ZDHHC21: variants seen among roughly 807,000 people sequenced by gnomAD.
ZDHHC21 encodes the protein palmitoyltransferase ZDHHC21.
In ZDHHC21, 15 loss-of-function variants were observed where a neutral mutation model predicts 34.6. That is an observed-to-expected ratio of 0.43 (90% confidence interval 0.29 to 0.67). The LOEUF is 0.67. Among genes scored for constraint, ZDHHC21 ranks in the 30% least tolerant of loss-of-function variants. The pLI is 0.14. For missense variants in ZDHHC21, 344 were observed against 327.7 expected (o/e 1.05, Z -0.38); for synonymous variants, 142 against 101.8 (o/e 1.40, Z -2.38).
At chr9:14,665,847 A>G (rs1293702583) in intron 5 of ZDHHC21, among the ~76,000 whole-genome samples, 3 of 149,858 alleles carry the variant, frequency 2.0e-5, no homozygotes, top group African/African-American at 7.3e-5. Flanking sequence ...TCCTGAAGGA[A>G]GCGCTAAACA....
At chr9:14,649,384 G>C (rs1330511850) in intron 7 of ZDHHC21, among the ~76,000 whole-genome samples, 5 of 151,918 alleles carry the variant, frequency 3.3e-5, no homozygotes, top group Admixed American at 3.3e-4. Flanking sequence ...AGGTTCATAA[G>C]GCAAATACTC....
intron 8 of ZDHHC21, among the ~76,000 whole-genome samples, chr9:14,629,274 C>T (rs1035713393): frequency 1.3e-5 from 2 of 152,022 alleles, no homozygotes; most frequent in Non-Finnish European, 2.9e-5. Flanking sequence ...GGTTTCCACT[C>T]GGTTTTAGAA....
intron 2 of ZDHHC21, among the ~76,000 whole-genome samples, chr9:14,682,136 C>G (rs544204175): frequency 3.3e-5 from 5 of 152,176 alleles, no homozygotes; most frequent in African/African-American, 1.2e-4. Flanking sequence ...CATCAACTAA[C>G]AAGCAAAATA....
chr9:14,682,000 G>T (rs7341892), intron 2 of ZDHHC21, among the ~76,000 whole-genome samples: 9 of 151,904 alleles, frequency 5.9e-5, no homozygotes, highest in South Asian at 2.1e-4. Context: ...TGAGAGATTT[G>T]GTCACCACCA....
Position 14,636,969 on chromosome 9 carries a change from A to G in ZDHHC21, c.621+2927T>C, listed in dbSNP as rs563456363. Among the ~76,000 whole-genome samples the G allele has an allele frequency of 2.0e-5, 3 of 152,212 alleles. No individual in the cohort carries two copies. In the East Asian group the frequency reaches 5.8e-4, roughly 29 times the overall value. On this transcript the variant is annotated intron_variant, in intron 8 of 9. Transcript: ENST00000380916. ...AAAACAGTAGAAAGATTTCAAGCAA[A>G]TAGTCTAATGATGCACCTCAAGGAA...
rs1295385974 is a variant in ZDHHC21, at chr9:14,616,687, T to C, written c.*2279A>G. ...AGAGTTAGGTACGCTAACTGGGGAA[T>C]ACTGAAAGTTACAGTGTTAAGTATA... On this transcript the variant is annotated 3_prime_UTR_variant, in exon 10 of 10. Transcript: ENST00000380916. 1 of 151,886 alleles carries C rather than the reference T, an allele frequency of 6.6e-6. No individual in the cohort carries two copies. The highest frequency in any genetic ancestry group is 1.5e-5 in the Non-Finnish European group (1 of 67,840). 9.4% of individuals were successfully genotyped at this position (151,886 alleles called of 1,614,324 possible).
rs1207058561 is a variant in ZDHHC21, at chr9:14,670,586, CT to C, written c.253+2243del. On this transcript the variant is annotated intron_variant, in intron 5 of 9. Coordinates refer to ENST00000380916, the MANE Select transcript of ZDHHC21 (RefSeq NM_178566.6). ...AAAGCTGAAAATATTTACTACGGGC[CT>C]TTATAGTAAAGAAGAATTTATTTGC... 2.6e-5 allele frequency among the ~76,000 whole-genome samples: 4 copies of C among 151,992 alleles called. 1 individual carries two copies. Among genetic ancestry groups the C allele is most frequent in the African/African-American group, 9.6e-5 (4 of 41,452 alleles).
chr9:14,664,359 T>C (rs9777413), intron 5 of ZDHHC21, among the ~76,000 whole-genome samples: 27,612 of 150,108 alleles, frequency 0.18, 2,635 homozygotes, highest in South Asian at 0.35. Flanking sequence ...GAGGGTCCTA[T>C]GCCCACGGAG....
At chr9:14,619,316 T>G (rs1245148730) in intron 9 of ZDHHC21, among the ~76,000 whole-genome samples, 2 of 152,116 alleles carry the variant, frequency 1.3e-5, no homozygotes, top group Non-Finnish European at 2.9e-5. Flanking sequence ...GCGCAACTTT[T>G]GAAGCAGAGG....
chr9:14,593,126 G>C, the ZDHHC21 span, among the ~76,000 whole-genome samples: 1 of 151,902 alleles, frequency 6.6e-6, no homozygotes, highest in South Asian at 2.1e-4. Flanking sequence ...TAGAAAAAAA[G>C]AAATAGGGAG....
At chr9:14,684,312 C>G (rs1004148962) in intron 2 of ZDHHC21, among the ~76,000 whole-genome samples, 16 of 151,904 alleles carry the variant, frequency 1.1e-4, no homozygotes, top group African/African-American at 3.9e-4. Context: ...CCCATTGTCT[C>G]AGCCCAAAAT....
chr9:14,629,665 G>A (rs1235239245), intron 8 of ZDHHC21, among the ~76,000 whole-genome samples: 1 of 152,108 alleles, frequency 6.6e-6, no homozygotes, highest in Non-Finnish European at 1.5e-5. Context: ...CCTTCAGGGA[G>A]ATGTAATATT....
At chr9:14,672,321 AT>A (rs59724695) in intron 5 of ZDHHC21, among the ~76,000 whole-genome samples, 40 of 151,424 alleles carry the variant, frequency 2.6e-4, no homozygotes, top group African/African-American at 8.2e-4. Flanking sequence ...AAAATTTTGT[AT>A]TTTTTTTTAC....
chr9:14,669,810 C>T (rs1237090117), intron 5 of ZDHHC21, among the ~76,000 whole-genome samples: 2 of 137,852 alleles, frequency 1.5e-5, no homozygotes, highest in African/African-American at 5.5e-5. Flanking sequence ...ACAATGAGAT[C>T]ACATGGACAC....
Position 14,619,654 on chromosome 9 carries a change from T to C in ZDHHC21, c.650A>G (p.Asn217Ser), listed in dbSNP as rs1182834343. The C allele has an allele frequency of 1.4e-6, 2 of 1,408,196 alleles. No individual in the cohort carries two copies. Among genetic ancestry groups the C allele is most frequent in the Admixed American group, 2.1e-5 (1 of 48,550 alleles). The allele number at this position is 1,408,196 out of a possible 1,614,324, so 87.2% of individuals were successfully genotyped here. A position where few individuals can be genotyped will look rare whatever the true frequency, so the allele number is the denominator to read the frequency against. The change falls in exon 9 of 10, where the codon AAC becomes AGC. Residue 217 changes from asparagine to serine, a missense_variant. Transcript: ENST00000380916. ...TDTTSIEKMSNCCEDISRPRK... is the reference protein window; with the variant it reads ...TDTTSIEKMSSCCEDISRPRK... ...TTATACTTACATATCTTCACAACAG[T>C]TTGACATCTTTTCAATAGATGTTGT...
intron 1 of ZDHHC21, among the ~76,000 whole-genome samples, chr9:14,691,588 T>C (rs1254312442): frequency 1.3e-5 from 2 of 152,224 alleles, no homozygotes; most frequent in Non-Finnish European, 2.9e-5. Flanking sequence ...ATGCTTAGAT[T>C]TCTCTTATTA....
At chr9:14,604,753 G>T in the ZDHHC21 span, among the ~76,000 whole-genome samples, 1 of 152,076 alleles carries the variant, frequency 6.6e-6, no homozygotes, top group African/African-American at 2.4e-5. Flanking sequence ...TAAATATACA[G>T]TACGGTACTG....
chr9:14,679,543 A>G (rs545939745), intron 3 of ZDHHC21, among the ~76,000 whole-genome samples: 2 of 152,312 alleles, frequency 1.3e-5, no homozygotes, highest in East Asian at 3.9e-4. Flanking sequence ...ATGGGCTGAA[A>G]GAGAAAGGAG....
intron 7 of ZDHHC21, among the ~76,000 whole-genome samples, chr9:14,645,228 G>C (rs150576066): frequency 1.3e-3 from 199 of 152,082 alleles, no homozygotes; most frequent in Non-Finnish European, 1.6e-3. Context: ...CAGTTGTAAT[G>C]ACAGTGTGGT....
Sources: gnomAD v4.1 joint callset for allele counts (sites outside exome capture counted in the v4.1 genomes callset) on GRCh38, gnomAD v4.1.1 for gene constraint, MANE v1.5 for transcripts, NCBI Gene and HGNC (gene_info 2026-07-23, HGNC 2026-07-21) for gene names.